PAM: variants seen among roughly 807,000 people sequenced by gnomAD.
The protein encoded by PAM is peptidyl-glycine alpha-amidating monooxygenase.
Under a neutral mutation model 122.1 loss-of-function variants are expected in PAM, and 72 were observed. The ratio of observed to expected loss-of-function variants is 0.59; its 90% CI spans 0.49 to 0.72. PAM has a LOEUF of 0.72. Ranked by LOEUF, PAM falls within the 30% of genes least tolerant of loss-of-function variation. The pLI is 0.00. For synonymous variants in PAM, 389 were observed against 404.4 expected, an observed-to-expected ratio of 0.96 and a Z score of 0.46; for missense variants, 1,106 against 1,183.7, an observed-to-expected ratio of 0.93 and a Z score of 0.96.
At chr5:102,827,241 AAAG>A in intron 1 of PAM, among the ~76,000 whole-genome samples, 1 of 152,328 alleles carries the variant, frequency 6.6e-6, no homozygotes, top group South Asian at 2.1e-4. Flanking sequence ...CTGACAGCTC[AAAG>A]GAGGAGCATT....
In PAM at chr5:102,950,776, A is replaced by G; in HGVS notation, c.861A>G (p.Arg287=). ...GTTTTGGTGACCTACTGGCTGCAAG[A>G]TGTGTATTCACTGGTGAAGGAAGGA... ...DVSFGDLLAA[R]CVFTGEGRTE... The change falls in exon 12 of 26, where the codon AGA becomes AGG. Residue 287 remains arginine, a synonymous_variant. Transcript: ENST00000438793. 6.2e-7 allele frequency: 1 copy of G among 1,611,968 alleles called. No individual in the cohort carries two copies. The highest frequency in any genetic ancestry group is 1.1e-5 in the South Asian group (1 of 91,028).
At chr5:102,895,743 G>T (rs1796028034) in intron 3 of PAM, among the ~76,000 whole-genome samples, 1 of 151,668 alleles carries the variant, frequency 6.6e-6, no homozygotes, top group South Asian at 2.1e-4. Context: ...AAGCCACTTA[G>T]CACAGAAATA....
chr5:102,807,234 T>C (rs981102576), intron 1 of PAM, among the ~76,000 whole-genome samples: 1 of 152,232 alleles, frequency 6.6e-6, no homozygotes, highest in Non-Finnish European at 1.5e-5. Flanking sequence ...TATATACTTA[T>C]TAAAGTGTTG....
chr5:102,802,828 A>G (rs948118706), intron 1 of PAM, among the ~76,000 whole-genome samples: 2 of 152,138 alleles, frequency 1.3e-5, no homozygotes, highest in African/African-American at 4.8e-5. Flanking sequence ...TACTGTATGC[A>G]TTATCTTTAT....
At chr5:102,897,637 C>T (rs1214679755) in intron 3 of PAM, among the ~76,000 whole-genome samples, 1 of 151,164 alleles carries the variant, frequency 6.6e-6, no homozygotes, top group Non-Finnish European at 1.5e-5. Flanking sequence ...TTACAAATAG[C>T]CAAAGAAATA....
intron 3 of PAM, among the ~76,000 whole-genome samples, chr5:102,871,739 T>C (rs1787576884): frequency 7.0e-6 from 1 of 142,978 alleles, no homozygotes; most frequent in South Asian, 2.1e-4. Context: ...ATATATATTA[T>C]ATATATATAT....
chr5:102,805,931 A>C (rs1766103850), intron 1 of PAM, among the ~76,000 whole-genome samples: 1 of 152,128 alleles, frequency 6.6e-6, no homozygotes, highest in South Asian at 2.1e-4. Context: ...CATTTTTCTC[A>C]CTCACACTTG....
intron 1 of PAM, among the ~76,000 whole-genome samples, chr5:102,841,318 A>T (rs578134364): frequency 1.3e-4 from 19 of 151,652 alleles, no homozygotes; most frequent in Non-Finnish European, 2.8e-4. Context: ...CACTTAGAGT[A>T]ATAGCATCCT....
At chr5:102,890,431 T>G (rs996499040) in intron 3 of PAM, among the ~76,000 whole-genome samples, 1 of 151,928 alleles carries the variant, frequency 6.6e-6, no homozygotes, top group Non-Finnish European at 1.5e-5. Flanking sequence ...TTCTTCTCAT[T>G]CCTTCTGAAT....
At chr5:102,985,119 C>A (rs1771329774) in intron 15 of PAM, among the ~76,000 whole-genome samples, 1 of 151,942 alleles carries the variant, frequency 6.6e-6, no homozygotes, top group Non-Finnish European at 1.5e-5. Context: ...TAAATACCTA[C>A]ATCAAAGAGT....
At chr5:102,793,907 T>A (rs79508942) in intron 1 of PAM, among the ~76,000 whole-genome samples, 12 of 152,288 alleles carry the variant, frequency 7.9e-5, no homozygotes, top group African/African-American at 2.9e-4. Flanking sequence ...TATGCTATAT[T>A]TATCTGAGTA....
intron 7 of PAM, among the ~76,000 whole-genome samples, chr5:102,931,883 C>G (rs1452324547): frequency 6.6e-6 from 1 of 151,946 alleles, no homozygotes; most frequent in Admixed American, 6.6e-5. Flanking sequence ...GTATGTACAC[C>G]TGCATTTTGT....
chr5:102,886,307 C>A (rs577309817), intron 3 of PAM, among the ~76,000 whole-genome samples: 4 of 152,010 alleles, frequency 2.6e-5, no homozygotes, highest in Non-Finnish European at 5.9e-5. Flanking sequence ...TAAATTCAAA[C>A]CTTCTAGCAA....
intron 15 of PAM, among the ~76,000 whole-genome samples, chr5:102,985,254 A>T (rs1455917522): frequency 6.6e-6 from 1 of 152,052 alleles, no homozygotes; most frequent in Non-Finnish European, 1.5e-5. Context: ...GACTAAAAAA[A>T]TACAAAGGTC....
At chr5:102,886,323 A>C (rs563113976) in intron 3 of PAM, among the ~76,000 whole-genome samples, 1 of 152,134 alleles carries the variant, frequency 6.6e-6, no homozygotes, top group Non-Finnish European at 1.5e-5. Flanking sequence ...AGCAAATCCC[A>C]AAGATATTAT....
At chr5:102,866,461 A>G (rs1785596044) in intron 2 of PAM, 177 bp downstream of exon 2, 4 of 596,708 alleles carry the variant, frequency 6.7e-6, no homozygotes, top group Non-Finnish European at 1.2e-5. Context: ...ACTGCATTGT[A>G]GCCAAGCAGT....
intron 1 of PAM, among the ~76,000 whole-genome samples, chr5:102,859,085 G>A (rs1335387125): frequency 1.3e-5 from 2 of 152,102 alleles, no homozygotes; most frequent in Non-Finnish European, 2.9e-5. Context: ...GATAATAAAC[G>A]ACTGTGTTAT....
chr5:102,925,808 G>T (rs1749241896), intron 6 of PAM, among the ~76,000 whole-genome samples: 3 of 151,742 alleles, frequency 2.0e-5, no homozygotes, highest in Admixed American at 1.3e-4. Context: ...ACTTCTGCCT[G>T]TAAATATTTT....
intron 1 of PAM, among the ~76,000 whole-genome samples, chr5:102,822,094 A>T (rs1772136919): frequency 2.6e-5 from 4 of 152,200 alleles, no homozygotes; most frequent in Admixed American, 2.0e-4. Context: ...GTCTTCAAAG[A>T]GAAAATTGTC....
Sources: allele counts gnomAD v4.1 joint callset (sites outside exome capture counted in the v4.1 genomes callset), GRCh38; gene constraint gnomAD v4.1.1; transcripts MANE v1.5; gene names NCBI Gene and HGNC (gene_info 2026-07-23, HGNC 2026-07-21).